Variants in HS6ST3 observed in about 807,000 individuals in gnomAD.
HS6ST3 encodes heparan-sulfate 6-O-sulfotransferase 3.
In HS6ST3, 12 loss-of-function variants were observed where a neutral mutation model predicts 36.7. That is an observed-to-expected ratio of 0.33 (90% CI 0.21 to 0.53). The LOEUF is 0.53. Among genes scored for constraint, HS6ST3 ranks in the 20% least tolerant of loss-of-function variants. The pLI, the probability that HS6ST3 is intolerant of heterozygous loss-of-function variation, is 0.95. For missense variants in HS6ST3, 584 were observed against 640.9 expected (o/e 0.91, Z 0.96); for synonymous variants, 240 against 257.5 (o/e 0.93, Z 0.65).
intron 1 of HS6ST3, among the ~76,000 whole-genome samples, chr13:96,604,177 T>C (rs1454413206): frequency 6.6e-6 from 1 of 152,174 alleles, no homozygotes; most frequent in Non-Finnish European, 1.5e-5. Flanking sequence ...CTTTTCTCCA[T>C]TTTTATTTGC....
intron 1 of HS6ST3, among the ~76,000 whole-genome samples, chr13:96,382,994 C>T (rs2055348866): frequency 6.6e-6 from 1 of 152,150 alleles, no homozygotes; most frequent in Non-Finnish European, 1.5e-5. Context: ...TGTATAATAG[C>T]ATAAGCTTTC....
At position 96,720,408 on chromosome 13, in the gene HS6ST3, AG is replaced by A. The variant is rs147133705; in HGVS notation, c.708-112081del. ...AGCCCCTTAAAGCCCCAAAGAAGGA[AG>A]AAAACCTGAGATTCATATTCATTCT... On this transcript the variant is annotated intron_variant, in intron 1 of 1. Transcript: ENST00000376705. Among the ~76,000 whole-genome samples the A allele has an allele frequency of 5.5e-3, 839 of 152,298 alleles. 5 individuals carry two copies. The highest frequency in any genetic ancestry group is 0.019 in the African/African-American group (792 of 41,558).
chr13:96,229,788 C>A (rs564289072), intron 1 of HS6ST3, among the ~76,000 whole-genome samples: 2 of 152,166 alleles, frequency 1.3e-5, no homozygotes, highest in African/African-American at 2.4e-5. Context: ...GAGACCCCCC[C>A]CTTTAGGCTC....
intron 1 of HS6ST3, among the ~76,000 whole-genome samples, chr13:96,331,172 T>C (rs1468216022): frequency 6.6e-6 from 1 of 152,230 alleles, no homozygotes; most frequent in African/African-American, 2.4e-5. Context: ...TGAAGCCTTC[T>C]CTCAGCTCGT....
At chr13:96,769,012 T>C (rs1424716869) in intron 1 of HS6ST3, among the ~76,000 whole-genome samples, 1 of 152,086 alleles carries the variant, frequency 6.6e-6, no homozygotes, top group South Asian at 2.1e-4. Flanking sequence ...ATGTTGCTGG[T>C]CCATGAGCCA....
chr13:96,189,123 A>G (rs774982680), intron 1 of HS6ST3, among the ~76,000 whole-genome samples: 3 of 152,146 alleles, frequency 2.0e-5, no homozygotes, highest in Non-Finnish European at 4.4e-5. Context: ...TTAAATCTAT[A>G]GGAATTATAA....
intron 1 of HS6ST3, among the ~76,000 whole-genome samples, chr13:96,596,928 A>G (rs928753017): frequency 3.9e-5 from 6 of 152,186 alleles, no homozygotes; most frequent in Non-Finnish European, 8.8e-5. Context: ...ACATAGATTC[A>G]AACTAAATGC....
intron 1 of HS6ST3, among the ~76,000 whole-genome samples, chr13:96,208,959 G>C (rs1339357000): frequency 1.3e-5 from 2 of 152,126 alleles, no homozygotes; most frequent in African/African-American, 4.8e-5. Flanking sequence ...GAGAAATACT[G>C]TTTTTAACAT....
At chr13:96,406,503 G>C (rs1176592980) in intron 1 of HS6ST3, among the ~76,000 whole-genome samples, 1 of 152,176 alleles carries the variant, frequency 6.6e-6, no homozygotes, top group East Asian at 1.9e-4. Flanking sequence ...TGGAACTTTG[G>C]AATTAGCAGA....
chr13:96,511,003 A>AT (rs2056047610), intron 1 of HS6ST3, among the ~76,000 whole-genome samples: 1 of 152,072 alleles, frequency 6.6e-6, no homozygotes, highest in African/African-American at 2.4e-5. Flanking sequence ...TTTCTGTATA[A>AT]TTTTTTGTCC....
At chr13:96,119,380 G>A (rs2139305295) in intron 1 of HS6ST3, among the ~76,000 whole-genome samples, 1 of 152,202 alleles carries the variant, frequency 6.6e-6, no homozygotes, top group African/African-American at 2.4e-5. Flanking sequence ...GTACACTGAT[G>A]ATTATAGTAT....
intron 1 of HS6ST3, among the ~76,000 whole-genome samples, chr13:96,141,091 G>A (rs486966): frequency 0.029 from 4,372 of 152,284 alleles, 107 homozygotes; most frequent in Non-Finnish European, 0.045. Context: ...CAAAAGATAT[G>A]TATTAGGAAG....
At chr13:96,423,958 A>G (rs980594391) in intron 1 of HS6ST3, among the ~76,000 whole-genome samples, 1 of 152,204 alleles carries the variant, frequency 6.6e-6, no homozygotes, top group Non-Finnish European at 1.5e-5. Context: ...CAAATTATCC[A>G]CATGCATTAA....
At chr13:96,185,844 G>A (rs2054262523) in intron 1 of HS6ST3, among the ~76,000 whole-genome samples, 1 of 152,154 alleles carries the variant, frequency 6.6e-6, no homozygotes, top group Admixed American at 6.5e-5. Flanking sequence ...TCATGCGTTT[G>A]GTAATGGGAG....
At chr13:96,753,249 G>T (rs748859302) in intron 1 of HS6ST3, among the ~76,000 whole-genome samples, 1 of 152,000 alleles carries the variant, frequency 6.6e-6, no homozygotes, top group African/African-American at 2.4e-5. Flanking sequence ...AATTATTTGG[G>T]CAAGATTTTT....
chr13:96,708,951 T>C (rs1247768589), intron 1 of HS6ST3, among the ~76,000 whole-genome samples: 1 of 152,330 alleles, frequency 6.6e-6, no homozygotes, highest in African/African-American at 2.4e-5. Flanking sequence ...CTGTTTAACT[T>C]TCTTTCTGAC....
intron 1 of HS6ST3, among the ~76,000 whole-genome samples, chr13:96,811,100 C>G (rs759384029): frequency 2.0e-5 from 3 of 152,086 alleles, no homozygotes; most frequent in South Asian, 2.1e-4. Context: ...ACAGGTGAAT[C>G]TTTTTCTTGT....
intron 1 of HS6ST3, chr13:96,574,201 C>G: frequency 2.0e-6 from 1 of 510,210 alleles, no homozygotes; most frequent in Non-Finnish European, 4.0e-6. Flanking sequence ...TCTGCTCTGT[C>G]TCCCTCCATA....
At chr13:96,094,664 C>G (rs2053781219) in intron 1 of HS6ST3, among the ~76,000 whole-genome samples, 1 of 152,070 alleles carries the variant, frequency 6.6e-6, no homozygotes, top group South Asian at 2.1e-4. Flanking sequence ...AAGCAGGAAG[C>G]CAACTCTGAA....
Sources: gnomAD v4.1 joint callset for allele counts (sites outside exome capture counted in the v4.1 genomes callset) on GRCh38, gnomAD v4.1.1 for gene constraint, MANE v1.5 for transcripts, NCBI Gene and HGNC (gene_info 2026-07-23, HGNC 2026-07-21) for gene names.